Variants in MYT1L observed in about 807,000 individuals in gnomAD.
MYT1L encodes the protein myelin transcription factor 1-like protein.
A neutral mutation model predicts 126.7 loss-of-function variants in MYT1L; 12 were observed. That is an observed-to-expected ratio of 0.09 (90% CI 0.06 to 0.15). MYT1L has a LOEUF of 0.15. MYT1L is among the 10% of genes least tolerant of loss of function. The pLI is 1.00. For missense variants in MYT1L, 979 were observed against 1,585.2 expected (o/e 0.62, Z 6.49); for synonymous variants, 541 against 604.2 (o/e 0.90, Z 1.53).
At chr2:1,880,174 C>T (rs1573158963) in intron 18 of MYT1L, among the ~76,000 whole-genome samples, 1 of 152,124 alleles carries the variant, frequency 6.6e-6, no homozygotes, top group South Asian at 2.1e-4. Context: ...TCAATTTGGT[C>T]AAGAAGCCGG....
intron 4 of MYT1L, among the ~76,000 whole-genome samples, chr2:2,041,102 T>C (rs1437393649): frequency 6.6e-6 from 1 of 152,254 alleles, no homozygotes; most frequent in Non-Finnish European, 1.5e-5. Context: ...CAGAAAAATG[T>C]TACTTAGCAG....
chr2:1,878,676 C>T (rs2047211851), intron 18 of MYT1L, among the ~76,000 whole-genome samples: 1 of 152,206 alleles, frequency 6.6e-6, no homozygotes. Context: ...TGGGACAGCA[C>T]AGAACAGGCA....
chr2:2,167,928 G>T (rs150727266), intron 3 of MYT1L, among the ~76,000 whole-genome samples: 1 of 152,106 alleles, frequency 6.6e-6, no homozygotes, highest in African/African-American at 2.4e-5. Flanking sequence ...TCAAACATAC[G>T]TTATATAAAT....
At position 2,116,120 on chromosome 2, in the gene MYT1L, T is replaced by A. The variant is rs545812399; in HGVS notation, c.-304+56752A>T. Among the ~76,000 whole-genome samples the A allele has an allele frequency of 2.0e-5, 3 of 152,362 alleles. No individual in the cohort carries two copies. The South Asian group carries it at 6.2e-4, about 32-fold the overall frequency. On this transcript the variant is annotated intron_variant, in intron 3 of 24. Transcript: ENST00000647738. ...TCCACTCGATGTTCAATGAACACGT[T>A]CTGTCCTCATGAGGCCCATGCTGAG...
At chr2:2,219,242 C>T (rs186081425) in intron 2 of MYT1L, among the ~76,000 whole-genome samples, 45 of 152,208 alleles carry the variant, frequency 3.0e-4, no homozygotes, top group East Asian at 2.1e-3. Context: ...ATTTAGTCAA[C>T]GGCTAATCCT....
intron 2 of MYT1L, among the ~76,000 whole-genome samples, chr2:2,236,988 A>G (rs1409380285): frequency 1.3e-5 from 2 of 151,536 alleles, no homozygotes; most frequent in South Asian, 2.1e-4. Context: ...TAATTTATGT[A>G]CTATTAGTAG....
At chr2:1,884,818 C>G (rs1277626090) in intron 18 of MYT1L, among the ~76,000 whole-genome samples, 1 of 152,230 alleles carries the variant, frequency 6.6e-6, no homozygotes, top group Non-Finnish European at 1.5e-5. Context: ...TGCCCATGCG[C>G]ACCCTGCCCT....
At chr2:2,229,121 G>A (rs1228781391) in intron 2 of MYT1L, among the ~76,000 whole-genome samples, 7 of 152,026 alleles carry the variant, frequency 4.6e-5, no homozygotes, top group Admixed American at 4.6e-4. Context: ...GTTTATATTA[G>A]GCATTTTACA....
chr2:2,014,629 ACT>A (rs1429535851), intron 4 of MYT1L, among the ~76,000 whole-genome samples: 4 of 152,182 alleles, frequency 2.6e-5, no homozygotes, highest in Non-Finnish European at 5.9e-5. Flanking sequence ...ACCCTGCCTG[ACT>A]CTGATTCATA....
At chr2:1,948,671 C>A (rs1022466822) in intron 8 of MYT1L, among the ~76,000 whole-genome samples, 1 of 128,308 alleles carries the variant, frequency 7.8e-6, no homozygotes, top group African/African-American at 3.0e-5. Flanking sequence ...GTGGTGCCGC[C>A]CAGCAACACC....
At chr2:2,199,987 G>A (rs2148816983) in intron 2 of MYT1L, among the ~76,000 whole-genome samples, 1 of 152,288 alleles carries the variant, frequency 6.6e-6, no homozygotes, top group East Asian at 1.9e-4. Context: ...AGCGTGCAGT[G>A]CCATTCCTTC....
At chr2:2,143,289 C>CA (rs781544456) in intron 3 of MYT1L, among the ~76,000 whole-genome samples, 1,375 of 54,474 alleles carry the variant, frequency 0.025, 19 homozygotes, top group African/African-American at 0.057. Context: ...GACTCCGTCT[C>CA]AAAAAAAAAA....
At chr2:1,808,717 T>C (rs2036109351) in intron 22 of MYT1L, among the ~76,000 whole-genome samples, 1 of 152,160 alleles carries the variant, frequency 6.6e-6, no homozygotes, top group African/African-American at 2.4e-5. Flanking sequence ...ATCTGTGGCC[T>C]GGGGTGGCCC....
chr2:2,182,258 C>T (rs1434561329), intron 2 of MYT1L, among the ~76,000 whole-genome samples: 1 of 152,170 alleles, frequency 6.6e-6, no homozygotes, highest in Non-Finnish European at 1.5e-5. Context: ...TAGGAAGGGC[C>T]TGTCCTCCAG....
At chr2:1,819,520 G>C (rs1454426418) in intron 21 of MYT1L, among the ~76,000 whole-genome samples, 2 of 152,090 alleles carry the variant, frequency 1.3e-5, no homozygotes, top group African/African-American at 4.8e-5. Context: ...TTATACCCAG[G>C]CCATCCAGCA....
intron 18 of MYT1L, among the ~76,000 whole-genome samples, chr2:1,864,561 G>A (rs568061462): frequency 2.0e-5 from 3 of 152,244 alleles, no homozygotes; most frequent in African/African-American, 4.8e-5. Flanking sequence ...CCCAGTCGCC[G>A]TCCCCAGGCT....
chr2:1,844,388 G>C (rs547655786), intron 19 of MYT1L, among the ~76,000 whole-genome samples: 1 of 152,318 alleles, frequency 6.6e-6, no homozygotes. Context: ...AACTCTAGGA[G>C]CAATGGAATT....
intron 1 of MYT1L, among the ~76,000 whole-genome samples, chr2:2,289,126 AG>A (rs2095562877): frequency 6.6e-6 from 1 of 152,182 alleles, no homozygotes; most frequent in Admixed American, 6.5e-5. Context: ...CTCCACTAAC[AG>A]CAGAGTAAGA....
intron 9 of MYT1L, among the ~76,000 whole-genome samples, chr2:1,925,328 A>T (rs2054082772): frequency 6.6e-6 from 1 of 152,206 alleles, no homozygotes. Context: ...ACAGCCACAA[A>T]AAGCCTGCAG....
Sources: allele counts gnomAD v4.1 joint callset (sites outside exome capture counted in the v4.1 genomes callset), GRCh38; gene constraint gnomAD v4.1.1; transcripts MANE v1.5; gene names NCBI Gene and HGNC (gene_info 2026-07-23, HGNC 2026-07-21).